CSMD1: variants seen among roughly 807,000 people sequenced by gnomAD.
CSMD1 encodes the protein CUB and Sushi multiple domains 1.
In CSMD1, 213 loss-of-function variants were observed where a neutral mutation model predicts 417.5. That is an observed-to-expected ratio of 0.51 (90% CI 0.46 to 0.57). The LOEUF is 0.57. Among genes scored for constraint, CSMD1 ranks in the 20% least tolerant of loss-of-function variants. The pLI is 0.00. For synonymous variants in CSMD1, 2,862 were observed against 1,736.8 expected (o/e 1.65, Z -16.11); for missense variants, 6,923 against 4,529.7 (o/e 1.53, Z -15.17).
chr8:3,010,223 T>G (rs1808276695), intron 52 of CSMD1, among the ~76,000 whole-genome samples: 1 of 152,184 alleles, frequency 6.6e-6, no homozygotes, highest in Admixed American at 6.5e-5. Context: ...AGAGCCTATC[T>G]TCGGTGTTGC....
chr8:3,998,217 C>A, intron 4 of CSMD1, 107 bp from the exon 5 acceptor site: 3 of 954,684 alleles, frequency 3.1e-6, no homozygotes, highest in Non-Finnish European at 4.6e-6. Flanking sequence ...TTTTCTGAAC[C>A]CAAAATTGAG....
At chr8:3,247,072 T>C (rs17319596) in intron 26 of CSMD1, among the ~76,000 whole-genome samples, 40,979 of 152,048 alleles carry the variant, frequency 0.27, 5,707 homozygotes, top group Admixed American at 0.29. Context: ...CAGAAGTGAC[T>C]TCAAAACAGC....
intron 5 of CSMD1, among the ~76,000 whole-genome samples, chr8:3,832,512 C>A (rs1433225814): frequency 1.3e-5 from 2 of 152,090 alleles, no homozygotes; most frequent in Non-Finnish European, 2.9e-5. Context: ...TGCATAGCAT[C>A]ACTTATTTTA....
intron 10 of CSMD1, among the ~76,000 whole-genome samples, chr8:3,566,136 G>A (rs1044402359): frequency 6.6e-6 from 1 of 152,020 alleles, no homozygotes; most frequent in African/African-American, 2.4e-5. Context: ...AAAGATGGAG[G>A]AGAGAAAGAG....
chr8:3,433,583 C>A (rs796297308), intron 12 of CSMD1, among the ~76,000 whole-genome samples: 3 of 152,136 alleles, frequency 2.0e-5, no homozygotes, highest in Admixed American at 2.0e-4. Flanking sequence ...GCCATGCACA[C>A]GTGCCACACT....
intron 1 of CSMD1, among the ~76,000 whole-genome samples, chr8:4,881,146 A>T (rs1265370876): frequency 2.0e-5 from 3 of 152,040 alleles, no homozygotes; most frequent in Non-Finnish European, 2.9e-5. Context: ...TGATTTAATC[A>T]TATTTCACTT....
At chr8:4,659,812 TTTAAA>T (rs1222223929) in intron 1 of CSMD1, among the ~76,000 whole-genome samples, 4 of 152,138 alleles carry the variant, frequency 2.6e-5, no homozygotes, top group African/African-American at 9.7e-5. Context: ...TTTAATAATT[TTTAAA>T]TTAATCTATG....
chr8:3,542,853 G>A (rs1182988879), intron 10 of CSMD1, among the ~76,000 whole-genome samples: 1 of 152,204 alleles, frequency 6.6e-6, no homozygotes, highest in African/African-American at 2.4e-5. Flanking sequence ...CCCAGGGAGA[G>A]CTGCTTTCCC....
In CSMD1 at chr8:2,937,782, C is replaced by CTTTTT. The variant is rs1441408670; in HGVS notation, c.*802_*803insAAAAA. On this transcript the variant is annotated 3_prime_UTR_variant, in exon 70 of 70. Coordinates refer to ENST00000635120, the MANE Select transcript of CSMD1 (RefSeq NM_033225.6). ...AAAATCTGTGCCATATCTAGGAATA[C>CTTTTT]TTTTCCCTAACACTCCAACTAAGCT... is the stretch of plus-strand genomic sequence containing the variant. 1.3e-5 allele frequency: 2 copies of CTTTTT among 152,612 alleles called. No homozygotes were observed. Among genetic ancestry groups the CTTTTT allele is most frequent in the Non-Finnish European group, 2.9e-5 (2 of 68,040 alleles). 9.5% of individuals were successfully genotyped at this position (152,612 alleles called of 1,614,324 possible).
intron 8 of CSMD1, among the ~76,000 whole-genome samples, chr8:3,598,801 G>T (rs1393151161): frequency 1.3e-5 from 2 of 152,224 alleles, no homozygotes; most frequent in South Asian, 4.1e-4. Context: ...GCTGAAATTG[G>T]GCCAGGTGCA....
intron 3 of CSMD1, among the ~76,000 whole-genome samples, chr8:4,156,145 C>T (rs577460443): frequency 1.3e-5 from 2 of 152,276 alleles, no homozygotes; most frequent in South Asian, 4.1e-4. Context: ...TGCCTCACAC[C>T]ACCCAGAGGC....
chr8:3,773,109 C>G (rs1181519909), intron 5 of CSMD1, among the ~76,000 whole-genome samples: 1 of 152,136 alleles, frequency 6.6e-6, no homozygotes, highest in Non-Finnish European at 1.5e-5. Flanking sequence ...AGGGCTCTGT[C>G]CTCACAACCT....
chr8:3,797,217 A>G (rs1800203089), intron 5 of CSMD1, among the ~76,000 whole-genome samples: 2 of 151,914 alleles, frequency 1.3e-5, no homozygotes, highest in Admixed American at 1.3e-4. Flanking sequence ...AATATCAAAG[A>G]ACTTCAACCA....
At chr8:4,660,083 T>G (rs566080882) in intron 1 of CSMD1, among the ~76,000 whole-genome samples, 1 of 143,940 alleles carries the variant, frequency 6.9e-6, no homozygotes, top group East Asian at 2.1e-4. Flanking sequence ...CCACTCTTAT[T>G]CAATATATAA....
chr8:3,976,520 C>T (rs1294130854), intron 5 of CSMD1, among the ~76,000 whole-genome samples: 1 of 152,058 alleles, frequency 6.6e-6, no homozygotes, highest in African/African-American at 2.4e-5. Context: ...GTTGAATAGT[C>T]AAATATAATA....
chr8:4,472,760 T>C (rs1441830412), intron 2 of CSMD1, among the ~76,000 whole-genome samples: 1 of 152,010 alleles, frequency 6.6e-6, no homozygotes, highest in African/African-American at 2.4e-5. Flanking sequence ...CTTCTTTTAA[T>C]ATAGAAAGTT....
intron 26 of CSMD1, among the ~76,000 whole-genome samples, chr8:3,237,698 A>G (rs375906481): frequency 8.8e-6 from 1 of 113,570 alleles, no homozygotes; most frequent in Non-Finnish European, 1.9e-5. Context: ...TATACTACAA[A>G]TATAATTTTT....
At chr8:2,954,984 CAG>C (rs1357687014) in intron 64 of CSMD1, among the ~76,000 whole-genome samples, 6 of 152,142 alleles carry the variant, frequency 3.9e-5, no homozygotes, top group African/African-American at 1.2e-4. Context: ...AAATTACAAA[CAG>C]GGGAGAACCT....
At chr8:3,049,339 G>A (rs1475472407) in intron 50 of CSMD1, among the ~76,000 whole-genome samples, 1 of 152,150 alleles carries the variant, frequency 6.6e-6, no homozygotes, top group Non-Finnish European at 1.5e-5. Context: ...CCCAGATGTT[G>A]TCTGTACGTA....
Sources: gnomAD v4.1 joint callset for allele counts (sites outside exome capture counted in the v4.1 genomes callset) on GRCh38, gnomAD v4.1.1 for gene constraint, MANE v1.5 for transcripts, NCBI Gene and HGNC (gene_info 2026-07-23, HGNC 2026-07-21) for gene names.